Variants in CPSF4L observed in about 807,000 individuals in gnomAD.
The protein encoded by CPSF4L is cleavage and polyadenylation specific factor 4 like.
In CPSF4L, 18 loss-of-function variants were observed where a neutral mutation model predicts 24.0. That is an observed-to-expected ratio of 0.75 (90% CI 0.52 to 1.11). CPSF4L has a LOEUF of 1.11. Among genes scored for constraint, CPSF4L ranks in the 50% least tolerant of loss-of-function variants. The pLI, the probability that CPSF4L is intolerant of heterozygous loss-of-function variation, is 0.00. For synonymous variants in CPSF4L, 72 were observed against 77.2 expected (o/e 0.93, Z 0.35); for missense variants, 211 against 221.8 (o/e 0.95, Z 0.31).
chr17:73,252,080 G>A (rs1339280363), intron 5 of CPSF4L, among the ~76,000 whole-genome samples: 3 of 152,240 alleles, frequency 2.0e-5, no homozygotes, highest in African/African-American at 7.2e-5. Flanking sequence ...GCTGCTGGGT[G>A]AGCTTCCCTG....
intron 5 of CPSF4L, chr17:73,250,251 T>G (rs1048216624): frequency 1.5e-5 from 24 of 1,550,220 alleles, no homozygotes; most frequent in African/African-American, 9.6e-5. Context: ...TTTTAATAAC[T>G]CCTATCAGTT....
At chr17:73,250,930 C>G in intron 5 of CPSF4L, 1 of 1,428,180 alleles carries the variant, frequency 7.0e-7, no homozygotes, top group South Asian at 1.5e-5. Flanking sequence ...CCTCCCAGCT[C>G]TCAGCCAAGC....
intron 5 of CPSF4L, chr17:73,250,823 A>G (rs1438100756): frequency 1.8e-6 from 1 of 563,534 alleles, no homozygotes. Flanking sequence ...GGAGATGCCA[A>G]CAGGATGGTT....
chr17:73,243,596 T>C (rs928230164), downstream of CPSF4L, among the ~76,000 whole-genome samples: 1 of 150,908 alleles, frequency 6.6e-6, no homozygotes, highest in African/African-American at 2.4e-5. Flanking sequence ...TGGCATGATC[T>C]CAGCTCACTG....
At chr17:73,261,689 A>G in intron 1 of CPSF4L, 27 bp downstream of exon 1, 1 of 1,399,546 alleles carries the variant, frequency 7.1e-7, no homozygotes. Context: ...AAGGTAGGGG[A>G]GGGAAAGTGG....
chr17:73,261,534 G>C (rs972771275), intron 1 of CPSF4L, among the ~76,000 whole-genome samples, 182 bp downstream of exon 1: 5 of 152,188 alleles, frequency 3.3e-5, no homozygotes, highest in Non-Finnish European at 7.3e-5. Flanking sequence ...GGTGGCGGGC[G>C]CCTGTAGTCC....
chr17:73,248,315 G>A (rs1039641861), downstream of CPSF4L: 1 of 615,964 alleles, frequency 1.6e-6, no homozygotes, highest in Non-Finnish European at 2.9e-6. Context: ...GTGAGGCGGG[G>A]TAACTACTCA....
rs1316231600 is a variant in CPSF4L at position 73,261,864 on chromosome 17, G to A, written c.-46C>T. ...TGCGGAAGCTGCTGGAACCCAGGCA[G>A]GTGGGCCCAATATAGCTCATCAGAG... On this transcript the variant is annotated 5_prime_UTR_variant, in exon 1 of 6. Coordinates refer to ENST00000344935, the MANE Select transcript of CPSF4L (RefSeq NM_001129885.1). 1 of 1,435,436 alleles carries A rather than the reference G, an allele frequency of 7.0e-7. No individual in the cohort carries two copies. The highest frequency in any genetic ancestry group is 9.6e-7 in the Non-Finnish European group (1 of 1,042,188). The allele number at this position is 1,435,436 out of a possible 1,614,324, so 88.9% of individuals were successfully genotyped here.
chr17:73,245,816 CTTAA>C (rs1234717864), downstream of CPSF4L: 8 of 709,996 alleles, frequency 1.1e-5, no homozygotes, highest in Non-Finnish European at 1.4e-5. Flanking sequence ...TTTTATACAT[CTTAA>C]TTGAGTATAA....
chr17:73,242,837 G>A, the CPSF4L span: 24,214 of 1,380,544 alleles, frequency 0.018, 1,704 homozygotes, highest in African/African-American at 0.21. Context: ...TGAATGACTC[G>A]CGGATACTGG....
chr17:73,242,386 A>G, the CPSF4L span: 725,284 of 1,398,280 alleles, frequency 0.52, 190,008 homozygotes, highest in East Asian at 0.63. Context: ...CTTCTGTTGC[A>G]GGTTCTGGGC....
intron 2 of CPSF4L, 70 bp from the exon 3 acceptor site, chr17:73,257,903 G>A: frequency 6.7e-7 from 1 of 1,498,586 alleles, no homozygotes; most frequent in Non-Finnish European, 9.0e-7. Flanking sequence ...GCCCTCCAGG[G>A]GATTCCCCAG....
At chr17:73,254,402 C>A (rs1295807789) in intron 3 of CPSF4L, among the ~76,000 whole-genome samples, 1 of 152,216 alleles carries the variant, frequency 6.6e-6, no homozygotes, top group East Asian at 1.9e-4. Context: ...CCCTCTTCAT[C>A]TCTACTACAA....
chr17:73,245,588 T>G, downstream of CPSF4L: 1 of 985,414 alleles, frequency 1.0e-6, no homozygotes, highest in Non-Finnish European at 1.2e-6. Context: ...ACTACCTATA[T>G]GTTGATACAG....
intron 5 of CPSF4L, among the ~76,000 whole-genome samples, chr17:73,249,134 C>G (rs2061990499): frequency 6.6e-6 from 1 of 152,030 alleles, no homozygotes; most frequent in African/African-American, 2.4e-5. Flanking sequence ...TGTGTTAATT[C>G]CAGCAACGTC....
chr17:73,258,071 G>T (rs1370946663), intron 2 of CPSF4L, among the ~76,000 whole-genome samples: 2 of 151,318 alleles, frequency 1.3e-5, no homozygotes, highest in Non-Finnish European at 2.9e-5. Flanking sequence ...GTGCAGCGGC[G>T]CGATCTTGGC....
At chr17:73,249,357 C>T (rs1409485418) in intron 5 of CPSF4L, among the ~76,000 whole-genome samples, 6 of 152,152 alleles carry the variant, frequency 3.9e-5, no homozygotes, top group African/African-American at 9.7e-5. Flanking sequence ...AGTCCTGTGG[C>T]GTAGGTGCTA....
the CPSF4L span, chr17:73,242,938 G>A: frequency 2.5e-6 from 4 of 1,613,888 alleles, no homozygotes; most frequent in African/African-American, 5.3e-5. Context: ...AGTGGATTCG[G>A]TGGCATCACG....
chr17:73,247,602 T>C (rs916347702), downstream of CPSF4L: 1 of 400,120 alleles, frequency 2.5e-6, no homozygotes, highest in Non-Finnish European at 4.6e-6. Context: ...AATAAGTTAT[T>C]TAATGAGAAT....
Sources: allele counts gnomAD v4.1 joint callset (sites outside exome capture counted in the v4.1 genomes callset), GRCh38; gene constraint gnomAD v4.1.1; transcripts MANE v1.5; gene names NCBI Gene and HGNC (gene_info 2026-07-23, HGNC 2026-07-21).